The following PIGL variants were observed in gnomAD, a reference collection of about 807,000 sequenced individuals.
The protein encoded by PIGL is phosphatidylinositol glycan anchor biosynthesis class L.
Under a neutral mutation model 31.1 loss-of-function variants are expected in PIGL, and 22 were observed. That is an observed-to-expected ratio of 0.71 (90% confidence interval 0.51 to 1.01). The LOEUF is 1.01. Among genes scored for constraint, PIGL ranks in the 50% least tolerant of loss-of-function variants. The pLI is 0.00. For missense variants in PIGL, 302 were observed against 315.9 expected (o/e 0.96, Z 0.33); for synonymous variants, 131 against 117.4 (o/e 1.12, Z -0.75).
intron 2 of PIGL, among the ~76,000 whole-genome samples, chr17:16,245,818 A>ATTTT (rs201714394): frequency 1.3e-4 from 15 of 112,766 alleles, no homozygotes; most frequent in African/African-American, 4.6e-4. Context: ...ATATATATAT[A>ATTTT]TATTTTTTTT....
At chr17:16,319,151 G>C (rs1373779592) in intron 6 of PIGL, among the ~76,000 whole-genome samples, 2 of 146,754 alleles carry the variant, frequency 1.4e-5, no homozygotes, top group Non-Finnish European at 3.0e-5. Flanking sequence ...CTTGAGCCCA[G>C]GAGGTCAAGG....
intron 3 of PIGL, chr17:16,312,329 C>CA (rs2093056021): frequency 6.2e-6 from 1 of 162,078 alleles, no homozygotes; most frequent in Non-Finnish European, 1.3e-5. Flanking sequence ...GATGGGGCGG[C>CA]AGGGCAGAGG....
intron 2 of PIGL, among the ~76,000 whole-genome samples, chr17:16,292,372 A>G (rs932041976): frequency 6.7e-6 from 1 of 148,692 alleles, no homozygotes; most frequent in Non-Finnish European, 1.5e-5. Context: ...GTTTCAGCCT[A>G]TAAAATGTAC....
chr17:16,316,270 G>A (rs921902350), intron 4 of PIGL, among the ~76,000 whole-genome samples: 2 of 152,196 alleles, frequency 1.3e-5, no homozygotes, highest in South Asian at 4.1e-4. Context: ...GAAGGTAGGC[G>A]TAGGGAAGCT....
At chr17:16,266,685 TC>T (rs2092844847) in intron 2 of PIGL, among the ~76,000 whole-genome samples, 1 of 151,926 alleles carries the variant, frequency 6.6e-6, no homozygotes, top group African/African-American at 2.4e-5. Flanking sequence ...AAGCTCCGCG[TC>T]CCAGGTTCAT....
rs73978830 is a variant in PIGL, at chr17:16,281,227, C to T, written c.336-18661C>T. Among the ~76,000 whole-genome samples the T allele has an allele frequency of 6.7e-3, 1,019 of 152,226 alleles. 10 individuals carry two copies. The highest frequency in any genetic ancestry group is 0.023 in the African/African-American group (962 of 41,530). ...CACAGACTCTCAGGGATTTGTGGAC[C>T]TCAATTGGAAAACATTGCTGTAGAA... On this transcript the variant is annotated intron_variant, in intron 2 of 6. Transcript: ENST00000225609.
At chr17:16,316,560 C>A in intron 4 of PIGL, 121 bp from the exon 5 acceptor site, 1 of 942,472 alleles carries the variant, frequency 1.1e-6, no homozygotes, top group Non-Finnish European at 1.6e-6. Context: ...CAAAAGAAAC[C>A]ACCTGGAGAC....
chr17:16,248,102 G>C (rs1244198614), intron 2 of PIGL, among the ~76,000 whole-genome samples: 4 of 152,096 alleles, frequency 2.6e-5, no homozygotes, highest in Non-Finnish European at 4.4e-5. Flanking sequence ...TGGTCAGGCT[G>C]GTCCTGAACT....
At chr17:16,300,010 G>A (rs1263816932) in intron 3 of PIGL, 32 bp downstream of exon 3, 2 of 1,540,336 alleles carry the variant, frequency 1.3e-6, no homozygotes, top group Non-Finnish European at 1.8e-6. Context: ...TGGAAAACCT[G>A]AGGTCTTGGT....
Position 16,259,967 on chromosome 17 carries a change from G to A in PIGL, c.335+25897G>A, listed in dbSNP as rs4792726. On this transcript the variant is annotated intron_variant, in intron 2 of 6. Transcript: ENST00000225609. The stretch of plus-strand genomic sequence containing the variant: ...TGGCCTCTTCCTGTTCCTGGTGCCC[G>A]CTCCAATTTTGGAGCAAAGTTGAGG... Among the ~76,000 whole-genome samples, 628 of 152,304 alleles carry A rather than the reference G, an allele frequency of 4.1e-3. 6 individuals carry two copies. The highest frequency in any genetic ancestry group is 0.015 in the African/African-American group (603 of 41,572).
At chr17:16,295,273 G>A (rs184443224) in intron 2 of PIGL, among the ~76,000 whole-genome samples, 53 of 151,662 alleles carry the variant, frequency 3.5e-4, no homozygotes, top group African/African-American at 1.2e-3. Context: ...GCATGGTGGC[G>A]CACGCCTGTA....
At chr17:16,282,034 C>T (rs761135812) in intron 2 of PIGL, 5 of 520,156 alleles carry the variant, frequency 9.6e-6, no homozygotes, top group South Asian at 1.4e-5. Flanking sequence ...ATCAGCAGAT[C>T]AGGACTGTAA....
chr17:16,281,941 C>T (rs998108829), intron 2 of PIGL: 10 of 431,810 alleles, frequency 2.3e-5, no homozygotes, highest in Admixed American at 4.8e-5. Context: ...CTGTAAGACC[C>T]ATCCTCAGAC....
intron 3 of PIGL, among the ~76,000 whole-genome samples, chr17:16,304,776 T>G (rs1252337839): frequency 6.6e-6 from 1 of 152,164 alleles, no homozygotes; most frequent in Non-Finnish European, 1.5e-5. Flanking sequence ...ATATGGGACA[T>G]TTGCTTTAGG....
chr17:16,275,483 T>A (rs887176133), intron 2 of PIGL, among the ~76,000 whole-genome samples: 9 of 152,140 alleles, frequency 5.9e-5, no homozygotes, highest in Non-Finnish European at 1.2e-4. Context: ...AATGCTAACC[T>A]CCTGGGAATG....
At chr17:16,323,235 C>CT (rs879720025) in intron 6 of PIGL, among the ~76,000 whole-genome samples, 1,663 of 144,318 alleles carry the variant, frequency 0.012, 28 homozygotes, top group African/African-American at 0.034. Flanking sequence ...TATATGTGGT[C>CT]TTTTTTTTTT....
intron 1 of PIGL, among the ~76,000 whole-genome samples, chr17:16,221,768 C>T (rs868259589): frequency 2.6e-5 from 4 of 152,050 alleles, no homozygotes; most frequent in Non-Finnish European, 4.4e-5. Flanking sequence ...TACAGGTGCC[C>T]GCCACTATGC....
chr17:16,252,065 C>CCTTTTTTTTTT (rs56119927), intron 2 of PIGL, among the ~76,000 whole-genome samples: 14,711 of 124,894 alleles, frequency 0.12, 1,488 homozygotes, highest in African/African-American at 0.3. Flanking sequence ...ATTTTTTTTT[C>CCTTTTTTTTTT]CTTTTTTTTT....
chr17:16,217,452 T>C lies in PIGL; in HGVS notation c.226T>C (p.Phe76Leu). 1 of 1,612,812 alleles carries C rather than the reference T, an allele frequency of 6.2e-7. No homozygotes were observed. Among genetic ancestry groups the C allele is most frequent in the Non-Finnish European group, 8.5e-7 (1 of 1,178,764 alleles). ...AAGGCACTGGGTGTACCTGCTTTGC[T>C]TCTCTGCAGGTAGGAGGCCATAGGA... ...RLRHWVYLLCFSAGNYYNQGE... is the reference protein window; with the variant it reads ...RLRHWVYLLCLSAGNYYNQGE... Residue 76 changes from phenylalanine (F) to leucine (L), a missense_variant, in exon 1 of 7, where the codon TTC becomes CTC. By Grantham distance (22) the Phe-to-Leu change is conservative. Transcript: ENST00000225609.
Sources: gnomAD v4.1 joint callset for allele counts (sites outside exome capture counted in the v4.1 genomes callset) on GRCh38, gnomAD v4.1.1 for gene constraint, MANE v1.5 for transcripts, NCBI Gene and HGNC (gene_info 2026-07-23, HGNC 2026-07-21) for gene names.